The following C6orf132 variants were observed in gnomAD, a reference collection of about 807,000 sequenced individuals.
C6orf132 encodes the protein chromosome 6 open reading frame 132, also known as uncharacterized protein C6orf132.
In C6orf132, 43 loss-of-function variants were observed where a neutral mutation model predicts 65.3. That is an observed-to-expected ratio of 0.66 (90% CI 0.52 to 0.85). The LOEUF is 0.85. Among genes scored for constraint, C6orf132 ranks in the 40% least tolerant of loss-of-function variants. The pLI, the probability that C6orf132 is intolerant of heterozygous loss-of-function variation, is 0.00. For missense variants in C6orf132, 1,488 were observed against 1,548.8 expected, an observed-to-expected ratio of 0.96 and a Z score of 0.66; for synonymous variants, 631 against 654.1, an observed-to-expected ratio of 0.96 and a Z score of 0.54.
chr6:42,123,421 AGAAAGGAGAAGGAGAAGG>A (rs1562038627), intron 2 of C6orf132, among the ~76,000 whole-genome samples: 4 of 148,278 alleles, frequency 2.7e-5, no homozygotes, highest in African/African-American at 1.0e-4. Context: ...AGAAGAAAGA[AGAAAGGAGAAGGAGAAGG>A]AGAAGAAGGA....
chr6:42,133,074 A>C (rs918121902), intron 1 of C6orf132, among the ~76,000 whole-genome samples: 1 of 152,134 alleles, frequency 6.6e-6, no homozygotes, highest in African/African-American at 2.4e-5. Flanking sequence ...AAAACTAAAC[A>C]AAGACAACAG....
chr6:42,142,493 C>T lies in C6orf132; in HGVS notation c.-49G>A. 1 of 1,533,322 alleles carries T rather than the reference C, an allele frequency of 6.5e-7. No individual in the cohort carries two copies. The highest frequency in any genetic ancestry group is 1.2e-5 in the South Asian group (1 of 81,532). The allele number at this position is 1,533,322 out of a possible 1,614,324, so 95.0% of individuals were successfully genotyped here. On this transcript the variant is annotated 5_prime_UTR_variant, in exon 1 of 5. Coordinates refer to ENST00000341865, the MANE Select transcript of C6orf132 (RefSeq NM_001164446.3). ...CAGGGAAGGACCTTCCCTCCCTCGC[C>T]CTGCCCTGCCCCGGACTGAACTCAG...
At position 42,103,178 on chromosome 6, in the gene C6orf132, T is replaced by A; in HGVS notation, c.*583A>T. 2 of 398,558 alleles carry A rather than the reference T, an allele frequency of 5.0e-6. No homozygotes were observed. Among genetic ancestry groups the A allele is most frequent in the Non-Finnish European group, 4.4e-6 (1 of 226,052 alleles). The allele number at this position is 398,558 out of a possible 1,614,324, so 24.7% of individuals were successfully genotyped here. On this transcript the variant is annotated 3_prime_UTR_variant, in exon 5 of 5. Coordinates refer to ENST00000341865, the MANE Select transcript of C6orf132 (RefSeq NM_001164446.3). ...ACCCCACACATGGTCCTTCTCCACA[T>A]GTTATACATACACATTCCTGGTCCC... is the stretch of plus-strand genomic sequence containing the variant.
chr6:42,110,398 T>TTATGCAAC, intron 2 of C6orf132, 107 bp from the exon 3 acceptor site: 1 of 833,506 alleles, frequency 1.2e-6, no homozygotes, highest in Non-Finnish European at 1.9e-6. Context: ...GCAGTGACGG[T>TTATGCAAC]CATGGTTGCA....
Position 42,104,971 on chromosome 6 carries a change from A to ATTC in C6orf132, c.2940_2941insGAA (p.Glu980dup). ...GGCGGTGGGATGACCTCGAAGTTGA[A>ATTC]CTCCTCCTCCTCCTCCTCCCTCTTG... On this transcript the variant is annotated inframe_insertion, in exon 4 of 5. Transcript: ENST00000341865. The surrounding 1 kb of genome is among the most constrained non-coding windows in gnomAD (Gnocchi z 4.1). 1 of 1,489,246 alleles carries ATTC rather than the reference A, an allele frequency of 6.7e-7. No homozygotes were observed. Among genetic ancestry groups the ATTC allele is most frequent in the Non-Finnish European group, 8.9e-7 (1 of 1,123,318 alleles). The allele number at this position is 1,489,246 out of a possible 1,614,324, so 92.3% of individuals were successfully genotyped here. A position where few individuals can be genotyped will look rare whatever the true frequency, so the allele number is the denominator to read the frequency against.
chr6:42,130,151 C>T (rs1367226808), intron 1 of C6orf132, among the ~76,000 whole-genome samples: 1 of 152,224 alleles, frequency 6.6e-6, no homozygotes, highest in East Asian at 1.9e-4. Context: ...TTCTCCACGT[C>T]TCAAAAGGGG....
In C6orf132 at chr6:42,128,719, G is replaced by T. The variant is rs776855862; in HGVS notation, c.205C>A (p.Leu69Met). 8.4e-6 allele frequency: 13 copies of T among 1,551,608 alleles called. No individual in the cohort carries two copies. Among genetic ancestry groups the T allele is most frequent in the South Asian group, 1.2e-5 (1 of 84,058 alleles). Residue 69 changes from leucine to methionine, a missense_variant, in exon 2 of 5, where the codon CTG (leucine) becomes ATG (methionine). By Grantham distance (15) the Leu-to-Met change is conservative. Transcript: ENST00000341865. Reference protein sequence around the residue: ...NTVSESGTATLKARPRVRPLL... With the variant: ...NTVSESGTATMKARPRVRPLL... The stretch of plus-strand genomic sequence containing the variant: ...GGCCGGACTCTTGGCCGAGCTTTCA[G>T]CGTGGCTGTTCCTGACTCGCTCACT...
Position 42,105,633 on chromosome 6 carries a change from G to A in C6orf132, c.2279C>T (p.Pro760Leu). ...SSAAFPPKTS[P>L]GGGEVPCLYK... ...GAGACATGGCACCTCTCCTCCACCA[G>A]GAGATGTCTTTGGTGGGAAGGCTGC... The change falls in exon 4 of 5, where the codon CCT becomes CTT. Residue 760 changes from proline to leucine, a missense_variant. Transcript: ENST00000341865. 1 of 1,537,184 alleles carries A rather than the reference G, an allele frequency of 6.5e-7. No individual in the cohort carries two copies. Among genetic ancestry groups the A allele is most frequent in the Non-Finnish European group, 8.7e-7 (1 of 1,146,922 alleles).
chr6:42,108,431 T>C (rs1423468622), intron 3 of C6orf132, among the ~76,000 whole-genome samples: 2 of 152,126 alleles, frequency 1.3e-5, no homozygotes, highest in Non-Finnish European at 2.9e-5. Context: ...TGCTTAACTT[T>C]TCAGACTGTG....
intron 2 of C6orf132, among the ~76,000 whole-genome samples, chr6:42,111,421 C>T (rs1437742724): frequency 6.6e-6 from 1 of 151,708 alleles, no homozygotes; most frequent in East Asian, 1.9e-4. Context: ...GCTGGGATTA[C>T]AGGGGCGTGC....
At chr6:42,115,369 G>A (rs903590071) in intron 2 of C6orf132, among the ~76,000 whole-genome samples, 3 of 151,928 alleles carry the variant, frequency 2.0e-5, no homozygotes, top group Non-Finnish European at 2.9e-5. Flanking sequence ...TTAAAAGGCC[G>A]GGCGCAGTGG....
chr6:42,103,902 G>GCAGAT (rs1380132851), intron 4 of C6orf132, 24 bp from the exon 5 acceptor site: 1 of 1,360,936 alleles, frequency 7.3e-7, no homozygotes, highest in African/African-American at 1.5e-5. Flanking sequence ...AGAGATGTGA[G>GCAGAT]GTGAATATCT....
chr6:42,103,729 T>G lies in C6orf132; in HGVS notation c.*32A>C. 12 of 1,265,124 alleles carry G rather than the reference T, an allele frequency of 9.5e-6. No individual in the cohort carries two copies. The highest frequency in any genetic ancestry group is 1.0e-5 in the Non-Finnish European group (10 of 978,892). The allele number at this position is 1,265,124 out of a possible 1,614,324, so 78.4% of individuals were successfully genotyped here. A position where few individuals can be genotyped will look rare whatever the true frequency, so the allele number is the denominator to read the frequency against. ...AGTGCCCAGATCCTTAAAGACACAGTTTGTTGGAGTAGAGCTAAGAGAACC... is the reference window on the plus strand; with the variant it reads ...AGTGCCCAGATCCTTAAAGACACAGGTTGTTGGAGTAGAGCTAAGAGAACC... On this transcript the variant is annotated 3_prime_UTR_variant, in exon 5 of 5. Transcript: ENST00000341865.
In C6orf132 at chr6:42,142,511, G is replaced by A. The variant is rs1468397161; in HGVS notation, c.-67C>T. ...CCCTCGCCCTGCCCTGCCCCGGACT[G>A]AACTCAGCACGGTCTCCCCAGGGGA... is the stretch of plus-strand genomic sequence containing the variant. On this transcript the variant is annotated 5_prime_UTR_variant, in exon 1 of 5. Coordinates refer to ENST00000341865, the MANE Select transcript of C6orf132 (RefSeq NM_001164446.3). 5.7e-6 allele frequency: 8 copies of A among 1,405,980 alleles called. No homozygotes were observed. The highest frequency in any genetic ancestry group is 3.1e-5 in the East Asian group (1 of 32,746). The allele number at this position is 1,405,980 out of a possible 1,614,324, so 87.1% of individuals were successfully genotyped here. A position where few individuals can be genotyped will look rare whatever the true frequency, so the allele number is the denominator to read the frequency against.
At chr6:42,126,986 A>C in intron 2 of C6orf132, 2 of 261,690 alleles carry the variant, frequency 7.6e-6, no homozygotes, top group East Asian at 6.4e-5. Flanking sequence ...ACAGGGTCTC[A>C]CTCTGTCACC....
At chr6:42,118,174 C>A (rs1485177193) in intron 2 of C6orf132, among the ~76,000 whole-genome samples, 1 of 151,452 alleles carries the variant, frequency 6.6e-6, no homozygotes, top group African/African-American at 2.4e-5. Context: ...CTCAGGGTCA[C>A]CCCTCGATGA....
chr6:42,129,170 C>T (rs1766814613), intron 1 of C6orf132, among the ~76,000 whole-genome samples: 1 of 152,222 alleles, frequency 6.6e-6, no homozygotes, highest in South Asian at 2.1e-4. Flanking sequence ...GCTGGCTTTT[C>T]CCTCGAGTGT....
At chr6:42,128,573 G>A in intron 2 of C6orf132, 99 bp downstream of exon 2, 1 of 857,006 alleles carries the variant, frequency 1.2e-6, no homozygotes, top group Non-Finnish European at 1.9e-6. Context: ...GGAAGGAAGG[G>A]GTGGACAGAG....
At position 42,106,698 on chromosome 6, in the gene C6orf132, G is replaced by A. The variant is rs774065104; in HGVS notation, c.1214C>T (p.Pro405Leu). 1.4e-6 allele frequency: 2 copies of A among 1,384,696 alleles called. No homozygotes were observed. Among genetic ancestry groups the A allele is most frequent in the South Asian group, 2.5e-5 (2 of 80,714 alleles). 85.8% of individuals were successfully genotyped at this position (1,384,696 alleles called of 1,614,324 possible). The change falls in exon 4 of 5, where the codon CCC becomes CTC. Residue 405 changes from proline to leucine, a missense_variant. Transcript: ENST00000341865. Reference protein sequence around the residue: ...PLPPPAPPLPPPAPPLPPAAP... With the variant: ...PLPPPAPPLPLPAPPLPPAAP... ...AGCTGGGGGAAGTGGGGGTGCTGGGGGAGGGAGGGGGGGTGCAGGAGGGGG... is the reference window on the plus strand; with the variant it reads ...AGCTGGGGGAAGTGGGGGTGCTGGGAGAGGGAGGGGGGGTGCAGGAGGGGG...
Sources: gnomAD v4.1 joint callset for allele counts (sites outside exome capture counted in the v4.1 genomes callset) on GRCh38, gnomAD v4.1.1 for gene constraint, Gnocchi (gnomAD v3.1) non-coding constraint, MANE v1.5 for transcripts, NCBI Gene and HGNC (gene_info 2026-07-23, HGNC 2026-07-21) for gene names.